MAN1A2: variants seen among roughly 807,000 people sequenced by gnomAD.
MAN1A2 encodes mannosidase alpha class 1A member 2.
In MAN1A2, 26 loss-of-function variants were observed where a neutral mutation model predicts 75.7. The observed-to-expected ratio is 0.34, with a 90% confidence interval of 0.25 to 0.48. The LOEUF (loss-of-function observed/expected upper bound fraction) is 0.48, where lower values mean the gene tolerates loss of function less well. Among genes scored for constraint, MAN1A2 ranks in the 20% least tolerant of loss-of-function variants. The pLI is 0.99. For missense variants in MAN1A2, 562 were observed against 775.5 expected (o/e 0.72, Z 3.27); for synonymous variants, 247 against 264.6 (o/e 0.93, Z 0.65).
At chr1:117,475,218 T>C (rs545413358) in intron 8 of MAN1A2, among the ~76,000 whole-genome samples, 18 of 152,120 alleles carry the variant, frequency 1.2e-4, no homozygotes, top group African/African-American at 4.1e-4. Context: ...TAGATGTGTA[T>C]GTTTAACTTT....
chr1:117,398,293 T>G (rs1296641730), intron 1 of MAN1A2, among the ~76,000 whole-genome samples: 1 of 152,066 alleles, frequency 6.6e-6, no homozygotes, highest in Non-Finnish European at 1.5e-5. Flanking sequence ...GACTTGAAGG[T>G]AAAGAAGAAA....
intron 12 of MAN1A2, among the ~76,000 whole-genome samples, chr1:117,510,949 A>T (rs887057771): frequency 1.3e-5 from 2 of 152,044 alleles, no homozygotes; most frequent in African/African-American, 4.8e-5. Context: ...TAACACTAAC[A>T]TCATCTGTAT....
chr1:117,467,297 A>G (rs950276729), intron 8 of MAN1A2, among the ~76,000 whole-genome samples: 81 of 152,160 alleles, frequency 5.3e-4, no homozygotes, highest in African/African-American at 1.9e-3. Flanking sequence ...AGTAGTAAAT[A>G]AGAGACAAAA....
chr1:117,377,913 A>G (rs1653208070), intron 1 of MAN1A2, among the ~76,000 whole-genome samples: 1 of 152,152 alleles, frequency 6.6e-6, no homozygotes, highest in Admixed American at 6.5e-5. Flanking sequence ...ATCCTGGCTA[A>G]CACGCTGAAA....
intron 9 of MAN1A2, among the ~76,000 whole-genome samples, chr1:117,496,506 T>C (rs1308915469): frequency 6.6e-6 from 1 of 152,014 alleles, no homozygotes; most frequent in African/African-American, 2.4e-5. Context: ...GATAATATTA[T>C]GTAGAAGGTA....
intron 5 of MAN1A2, among the ~76,000 whole-genome samples, chr1:117,438,646 G>A (rs1460440219): frequency 6.6e-6 from 1 of 152,044 alleles, no homozygotes; most frequent in Non-Finnish European, 1.5e-5. Flanking sequence ...TTTTAATCTT[G>A]TATTCTGTAT....
rs1652071280 is a variant in MAN1A2 at position 117,528,017 on chromosome 1, C to A, written c.*5060C>A. 1 of 152,050 alleles carries A rather than the reference C, an allele frequency of 6.6e-6. No homozygotes were observed. Among genetic ancestry groups the A allele is most frequent in the Non-Finnish European group, 1.5e-5 (1 of 67,976 alleles). 9.4% of individuals were successfully genotyped at this position (152,050 alleles called of 1,614,324 possible). On this transcript the variant is annotated 3_prime_UTR_variant, in exon 13 of 13. Coordinates refer to ENST00000356554, the MANE Select transcript of MAN1A2 (RefSeq NM_006699.5). ...ATATATCCAAAAGGAGAATCCCTTT[C>A]TCTTGCATAACTCTCAATCCTTTAC...
At chr1:117,428,780 CTTTCTTTTTT>C (rs1468149940) in intron 5 of MAN1A2, among the ~76,000 whole-genome samples, 8 of 109,026 alleles carry the variant, frequency 7.3e-5, no homozygotes, top group Non-Finnish European at 1.3e-4. Flanking sequence ...AAGAGGAGAC[CTTTCTTTTTT>C]TTTTTTTTTT....
At position 117,493,216 on chromosome 1, in the gene MAN1A2, A is replaced by G. The variant is rs1286855339; in HGVS notation, c.1238A>G (p.Asp413Gly). The change falls in exon 9 of 13, where the codon GAT (aspartate) becomes GGT (glycine). Residue 413 changes from aspartate to glycine, a missense_variant. By Grantham distance (94) the Asp-to-Gly change is moderately conservative. This residue lies in a region of MAN1A2 where 434 missense variants were observed against 645.7 expected (regional missense o/e 0.67). Coordinates refer to ENST00000356554, the MANE Select transcript of MAN1A2 (RefSeq NM_006699.5). The part of the protein sequence containing the change: ...EYLLKAWLMS[D>G]KTDHEARKMY... Reference sequence around the variant, plus strand: ...TTACTGAAAGCATGGTTGATGTCAGATAAAACAGACCATGAGGCAAGAAAG... The same window carrying G: ...TTACTGAAAGCATGGTTGATGTCAGGTAAAACAGACCATGAGGCAAGAAAG... 1 of 1,612,434 alleles carries G rather than the reference A, an allele frequency of 6.2e-7. No individual in the cohort carries two copies. The highest frequency in any genetic ancestry group is 1.7e-5 in the Admixed American group (1 of 59,940).
At chr1:117,520,684 A>G (rs189374149) in intron 12 of MAN1A2, among the ~76,000 whole-genome samples, 1 of 152,054 alleles carries the variant, frequency 6.6e-6, no homozygotes, top group Non-Finnish European at 1.5e-5. Flanking sequence ...ACACAAACAG[A>G]TGGAAACATC....
Position 117,525,073 on chromosome 1 carries a change from C to A in MAN1A2, c.*2116C>A. On this transcript the variant is annotated 3_prime_UTR_variant, in exon 13 of 13. Coordinates refer to ENST00000356554, the MANE Select transcript of MAN1A2 (RefSeq NM_006699.5). ...TTAGAAGAATGCAGAGTAAAGGGAC[C>A]TTCTTGGTTCTGCAGGAACTTCTCA... The A allele has an allele frequency of 1.9e-6, 1 of 520,932 alleles. No individual in the cohort carries two copies. The highest frequency in any genetic ancestry group is 3.9e-6 in the Non-Finnish European group (1 of 254,014). The allele number at this position is 520,932 out of a possible 1,614,324, so 32.3% of individuals were successfully genotyped here.
chr1:117,478,387 A>G (rs1191477152), intron 8 of MAN1A2, among the ~76,000 whole-genome samples: 2 of 151,926 alleles, frequency 1.3e-5, no homozygotes, highest in Non-Finnish European at 2.9e-5. Flanking sequence ...AATTCTCTTA[A>G]TAGTGTTGAA....
At chr1:117,502,414 T>C (rs1230790085) in intron 11 of MAN1A2, among the ~76,000 whole-genome samples, 1 of 151,720 alleles carries the variant, frequency 6.6e-6, no homozygotes, top group Non-Finnish European at 1.5e-5. Context: ...GCTATTACTA[T>C]AGAGTGCTCC....
At chr1:117,458,508 TATAGA>T (rs1649685546) in intron 6 of MAN1A2, among the ~76,000 whole-genome samples, 2 of 99,302 alleles carry the variant, frequency 2.0e-5, no homozygotes, top group Non-Finnish European at 3.9e-5. Flanking sequence ...TATATATATA[TATAGA>T]TATATATATA....
intron 1 of MAN1A2, among the ~76,000 whole-genome samples, chr1:117,390,766 A>T (rs1400704555): frequency 6.6e-6 from 1 of 151,442 alleles, no homozygotes; most frequent in East Asian, 1.9e-4. Context: ...TTCTCTCTTT[A>T]ACTTTTCTTT....
intron 8 of MAN1A2, among the ~76,000 whole-genome samples, chr1:117,470,277 CAG>C (rs1650109250): frequency 6.6e-6 from 1 of 151,864 alleles, no homozygotes; most frequent in Non-Finnish European, 1.5e-5. Flanking sequence ...TCCATAGAGA[CAG>C]AAAGTAGATT....
chr1:117,493,378 A>G (rs565038873), intron 9 of MAN1A2, 116 bp downstream of exon 9: 16 of 579,370 alleles, frequency 2.8e-5, no homozygotes, highest in Admixed American at 9.2e-5. Context: ...AATACATACA[A>G]ACATTTTATT....
intron 7 of MAN1A2, among the ~76,000 whole-genome samples, chr1:117,461,538 TAGAAG>T (rs1483373659): frequency 3.3e-5 from 5 of 152,132 alleles, no homozygotes; most frequent in African/African-American, 9.7e-5. Context: ...TCAAAATAGC[TAGAAG>T]AGAAGACGTA....
chr1:117,409,189 T>C (rs1387996969), intron 3 of MAN1A2, among the ~76,000 whole-genome samples: 1 of 152,152 alleles, frequency 6.6e-6, no homozygotes, highest in African/African-American at 2.4e-5. Context: ...TTGCTCTTGT[T>C]TTTCCAGTGT....
Sources: allele counts gnomAD v4.1 joint callset (sites outside exome capture counted in the v4.1 genomes callset), GRCh38; gene constraint gnomAD v4.1.1; regional missense constraint gnomAD v4.1.1; transcripts MANE v1.5; gene names NCBI Gene and HGNC (gene_info 2026-07-23, HGNC 2026-07-21).